The following CCDC102B variants were observed in gnomAD, a reference collection of about 807,000 sequenced individuals.
CCDC102B encodes coiled-coil domain containing 102B.
A neutral mutation model predicts 57.4 loss-of-function variants in CCDC102B; 75 were observed. The ratio of observed to expected loss-of-function variants is 1.31; its 90% confidence interval spans 1.08 to 1.58. The LOEUF (loss-of-function observed/expected upper bound fraction) is 1.58, where lower values mean the gene tolerates loss of function less well. CCDC102B is among the 40% of genes most tolerant of loss of function. The pLI, the probability that CCDC102B is intolerant of heterozygous loss-of-function variation, is 0.00. For missense variants in CCDC102B, 636 were observed against 582.6 expected (o/e 1.09, Z -0.94); for synonymous variants, 206 against 201.9 (o/e 1.02, Z -0.17).
At chr18:69,056,819 T>C (rs963818347), downstream of CCDC102B, among the ~76,000 whole-genome samples, 1 of 152,006 alleles carries the variant, frequency 6.6e-6, no homozygotes, top group African/African-American at 2.4e-5. Flanking sequence ...AGGTCAGTAG[T>C]GTTAAGTATA....
At chr18:68,783,024 C>A (rs1457029562) in intron 2 of CCDC102B, among the ~76,000 whole-genome samples, 1 of 152,138 alleles carries the variant, frequency 6.6e-6, no homozygotes, top group East Asian at 1.9e-4. Flanking sequence ...TAGAGATTCT[C>A]TTTTGCAGAT....
At chr18:68,916,664 C>T (rs1383342548) in intron 6 of CCDC102B, among the ~76,000 whole-genome samples, 2 of 152,192 alleles carry the variant, frequency 1.3e-5, no homozygotes, top group African/African-American at 2.4e-5. Context: ...CACAATGTGA[C>T]AGCTGTCCTC....
chr18:68,963,985 T>G (rs1322650342), intron 6 of CCDC102B, among the ~76,000 whole-genome samples: 1 of 151,902 alleles, frequency 6.6e-6, no homozygotes, highest in Non-Finnish European at 1.5e-5. Flanking sequence ...TTTCTTCCAA[T>G]GTATTATGGC....
chr18:69,034,896 C>A (rs528509451), intron 7 of CCDC102B, among the ~76,000 whole-genome samples: 6 of 151,662 alleles, frequency 4.0e-5, no homozygotes, highest in Middle Eastern at 3.2e-3. Flanking sequence ...TTTATCATTT[C>A]GGTCACTGTA....
At chr18:69,026,155 C>T (rs766311286) in intron 7 of CCDC102B, among the ~76,000 whole-genome samples, 9 of 152,032 alleles carry the variant, frequency 5.9e-5, no homozygotes, top group African/African-American at 9.7e-5. Context: ...TGGAATACTC[C>T]GCAGTGTATC....
chr18:68,886,594 G>A (rs577121024), intron 5 of CCDC102B, among the ~76,000 whole-genome samples: 8 of 152,038 alleles, frequency 5.3e-5, no homozygotes, highest in African/African-American at 9.6e-5. Flanking sequence ...TTCAATGTTT[G>A]TTTTTCAAAT....
At chr18:68,949,497 G>A (rs1269452611) in intron 6 of CCDC102B, among the ~76,000 whole-genome samples, 3 of 152,018 alleles carry the variant, frequency 2.0e-5, no homozygotes, top group Non-Finnish European at 4.4e-5. Context: ...TTTATCTGAG[G>A]CACAAACATG....
intron 6 of CCDC102B, among the ~76,000 whole-genome samples, chr18:68,990,541 T>C (rs182396172): frequency 3.3e-5 from 5 of 152,336 alleles, no homozygotes; most frequent in Admixed American, 2.0e-4. Flanking sequence ...CATGTTATTA[T>C]GTGTTTGTGT....
chr18:68,946,102 A>G (rs1361168776), intron 6 of CCDC102B, among the ~76,000 whole-genome samples: 2 of 152,054 alleles, frequency 1.3e-5, no homozygotes, highest in African/African-American at 2.4e-5. Flanking sequence ...ACATATTACA[A>G]GAAAAATCAA....
chr18:68,823,206 C>G (rs551770199), intron 1 of CCDC102B, among the ~76,000 whole-genome samples: 3 of 152,192 alleles, frequency 2.0e-5, no homozygotes, highest in African/African-American at 7.2e-5. Flanking sequence ...ATAGGTGTTA[C>G]CAAATTCTTT....
chr18:68,942,673 T>C (rs930363689), intron 6 of CCDC102B, among the ~76,000 whole-genome samples: 32 of 152,180 alleles, frequency 2.1e-4, no homozygotes, highest in African/African-American at 7.5e-4. Flanking sequence ...GGTTTTCTCC[T>C]ATCTCAGTAG....
At chr18:68,874,977 C>G (rs2039387743) in intron 5 of CCDC102B, 192 bp downstream of exon 5, 1 of 400,042 alleles carries the variant, frequency 2.5e-6, no homozygotes, top group Admixed American at 3.8e-5. Flanking sequence ...TAGATCTGAA[C>G]TATTTGAATA....
intron 2 of CCDC102B, among the ~76,000 whole-genome samples, chr18:68,775,432 C>G (rs964143952): frequency 2.6e-5 from 4 of 151,980 alleles, no homozygotes; most frequent in African/African-American, 9.7e-5. Flanking sequence ...TATTTTGTCT[C>G]TTTTCCCTTG....
Position 68,914,478 on chromosome 18 carries a change from T to C in CCDC102B, c.1263+17050T>C, listed in dbSNP as rs115826090. 6.6e-3 allele frequency among the ~76,000 whole-genome samples: 1,006 copies of C among 152,218 alleles called. 15 individuals are homozygous for C. The highest frequency in any genetic ancestry group is 0.05 in the East Asian group (260 of 5,164). ...GGAATGAATACATATTATCGTAAAA[T>C]AAAAATTTATAAAGCATGCAATCAT... On this transcript the variant is annotated intron_variant, in intron 6 of 7. Transcript: ENST00000360242.
intron 2 of CCDC102B, among the ~76,000 whole-genome samples, chr18:68,784,489 A>T (rs2035120220): frequency 6.6e-6 from 1 of 152,104 alleles, no homozygotes; most frequent in Non-Finnish European, 1.5e-5. Context: ...ATGAAATTGG[A>T]GTGGGGACAC....
rs2050388288 is a variant in CCDC102B, at chr18:68,974,724, T to C, written c.1264-36210T>C. 2.0e-5 allele frequency among the ~76,000 whole-genome samples: 3 copies of C among 151,842 alleles called. No individual in the cohort carries two copies. The South Asian group carries it at 6.2e-4, about 31-fold the overall frequency. ...ACTAAATTTTAAAGTGACATTAAAT[T>C]TGAATATATGTACAAATACTAAAAT... On this transcript the variant is annotated intron_variant, in intron 6 of 7. Transcript: ENST00000360242.
intron 2 of CCDC102B, among the ~76,000 whole-genome samples, chr18:68,769,120 G>A (rs1057304781): frequency 1.4e-4 from 22 of 152,044 alleles, no homozygotes; most frequent in African/African-American, 5.3e-4. Flanking sequence ...GGGCATGGTG[G>A]TGCATGCCTG....
At chr18:68,807,823 T>C (rs1219480578) in intron 1 of CCDC102B, among the ~76,000 whole-genome samples, 1 of 152,134 alleles carries the variant, frequency 6.6e-6, no homozygotes, top group Non-Finnish European at 1.5e-5. Context: ...TCTTTATTGC[T>C]ACCTTCTCCT....
At chr18:68,733,478 T>TTATATATATATATA (rs1301629816) in intron 2 of CCDC102B, among the ~76,000 whole-genome samples, 4 of 25,142 alleles carry the variant, frequency 1.6e-4, no homozygotes, top group African/African-American at 4.9e-4. Context: ...TTAGACAACT[T>TTATATATATATATA]TATATATATA....
Sources: gnomAD v4.1 joint callset for allele counts (sites outside exome capture counted in the v4.1 genomes callset) on GRCh38, gnomAD v4.1.1 for gene constraint, MANE v1.5 for transcripts, NCBI Gene and HGNC (gene_info 2026-07-23, HGNC 2026-07-21) for gene names.